IGFBP7: variants seen among roughly 807,000 people sequenced by gnomAD.
The protein encoded by IGFBP7 is insulin-like growth factor-binding protein 7.
In IGFBP7, 31 loss-of-function variants were observed where a neutral mutation model predicts 29.4. The ratio of observed to expected loss-of-function variants is 1.05; its 90% CI spans 0.79 to 1.42. IGFBP7 has a LOEUF of 1.42. IGFBP7 is among the 40% of genes most tolerant of loss of function. The pLI is 0.00. For synonymous variants in IGFBP7, 172 were observed against 174.9 expected (o/e 0.98, Z 0.13); for missense variants, 393 against 395.5 (o/e 0.99, Z 0.05).
At chr4:57,102,311 AT>A (rs1225827114) in intron 1 of IGFBP7, among the ~76,000 whole-genome samples, 1 of 152,206 alleles carries the variant, frequency 6.6e-6, no homozygotes, top group Non-Finnish European at 1.5e-5. Context: ...TGGAAATCGT[AT>A]TTCAGGATGT....
chr4:57,076,724 A>C (rs1725236925), intron 1 of IGFBP7, among the ~76,000 whole-genome samples: 1 of 152,206 alleles, frequency 6.6e-6, no homozygotes, highest in Non-Finnish European at 1.5e-5. Context: ...TATCCTCTAC[A>C]TTTGAAGGGA....
chr4:57,067,397 A>G (rs948080315), intron 1 of IGFBP7, among the ~76,000 whole-genome samples: 1 of 152,232 alleles, frequency 6.6e-6, no homozygotes, highest in Non-Finnish European at 1.5e-5. Context: ...CATATGCCAT[A>G]ACACAGATGT....
intron 1 of IGFBP7, among the ~76,000 whole-genome samples, chr4:57,081,253 T>C (rs1373628127): frequency 6.6e-6 from 1 of 152,186 alleles, no homozygotes; most frequent in Non-Finnish European, 1.5e-5. Flanking sequence ...CATTTTTTTT[T>C]CACAGAGCTT....
intron 1 of IGFBP7, chr4:57,109,648 A>G (rs1265271106): frequency 6.9e-6 from 4 of 578,132 alleles, no homozygotes; most frequent in Non-Finnish European, 1.2e-5. Context: ...TTCTGGACGC[A>G]CGCAGCAAAC....
At chr4:57,050,787 G>A (rs970649837) in intron 1 of IGFBP7, among the ~76,000 whole-genome samples, 29 of 151,564 alleles carry the variant, frequency 1.9e-4, no homozygotes, top group African/African-American at 6.8e-4. Flanking sequence ...CGAACCCTTG[G>A]CTTCAAGTGA....
At chr4:57,031,403 A>G in intron 4 of IGFBP7, 67 bp from the exon 5 acceptor site, 1 of 1,163,668 alleles carries the variant, frequency 8.6e-7, no homozygotes, top group Non-Finnish European at 1.3e-6. Flanking sequence ...TTGAATTGGC[A>G]GGTAGTTGAG....
chr4:57,034,458 A>C (rs1334094677), intron 2 of IGFBP7, among the ~76,000 whole-genome samples: 1 of 152,156 alleles, frequency 6.6e-6, no homozygotes, highest in South Asian at 2.1e-4. Flanking sequence ...GAAAGGATTT[A>C]CAACCTCAAA....
chr4:57,044,401 T>C (rs1247712357), intron 1 of IGFBP7, among the ~76,000 whole-genome samples: 1 of 152,202 alleles, frequency 6.6e-6, no homozygotes, highest in Non-Finnish European at 1.5e-5. Context: ...GGTTAGTGCT[T>C]TTCGTGTCCT....
At chr4:57,064,392 T>C (rs1245965408) in intron 1 of IGFBP7, among the ~76,000 whole-genome samples, 1 of 152,186 alleles carries the variant, frequency 6.6e-6, no homozygotes, top group African/African-American at 2.4e-5. Flanking sequence ...AAGTCTGTGT[T>C]GACAAGCAAT....
At position 57,031,164 on chromosome 4, in the gene IGFBP7, G is replaced by C; in HGVS notation, c.*153C>G. The C allele has an allele frequency of 1.3e-6, 1 of 760,020 alleles. No individual in the cohort carries two copies. The highest frequency in any genetic ancestry group is 2.2e-6 in the Non-Finnish European group (1 of 445,620). 47.1% of individuals were successfully genotyped at this position (760,020 alleles called of 1,614,324 possible). On this transcript the variant is annotated 3_prime_UTR_variant, in exon 5 of 5. Coordinates refer to ENST00000295666, the MANE Select transcript of IGFBP7 (RefSeq NM_001553.3). The stretch of plus-strand genomic sequence containing the variant: ...ATAAATTTTTGTAGATAGTCTTGAT[G>C]TGTGATCTTTATTTTGTATTTCTCT...
At chr4:57,035,651 G>T (rs1393026818) in intron 2 of IGFBP7, among the ~76,000 whole-genome samples, 1 of 152,086 alleles carries the variant, frequency 6.6e-6, no homozygotes, top group Non-Finnish European at 1.5e-5. Flanking sequence ...AGTAGAGACG[G>T]GGTTTTGCCA....
chr4:57,106,868 C>A (rs1726045674), intron 1 of IGFBP7, among the ~76,000 whole-genome samples: 1 of 152,150 alleles, frequency 6.6e-6, no homozygotes, highest in Non-Finnish European at 1.5e-5. Context: ...ATGGAATCTT[C>A]AAATTCCCCC....
intron 1 of IGFBP7, among the ~76,000 whole-genome samples, chr4:57,045,362 G>A (rs943033583): frequency 6.6e-6 from 1 of 152,168 alleles, no homozygotes; most frequent in Non-Finnish European, 1.5e-5. Context: ...AAATATCCTT[G>A]AACAAATGCT....
chr4:57,072,291 C>T (rs568591525), intron 1 of IGFBP7, among the ~76,000 whole-genome samples: 38 of 152,232 alleles, frequency 2.5e-4, no homozygotes, highest in Non-Finnish European at 4.6e-4. Flanking sequence ...GGATAATGGC[C>T]TCCAGCTCCA....
At position 57,030,996 on chromosome 4, in the gene IGFBP7, A is replaced by G; in HGVS notation, c.*321T>C. On this transcript the variant is annotated 3_prime_UTR_variant, in exon 5 of 5. Coordinates refer to ENST00000295666, the MANE Select transcript of IGFBP7 (RefSeq NM_001553.3). ...CGAATGATGAGTGTTTAGCTATTTT[A>G]CAGGAGTCAACAAGATAATTAAATA... 6.8e-7 allele frequency: 1 copy of G among 1,471,752 alleles called. No individual in the cohort carries two copies. Among genetic ancestry groups the G allele is most frequent in the Non-Finnish European group, 9.5e-7 (1 of 1,050,272 alleles). 91.2% of individuals were successfully genotyped at this position (1,471,752 alleles called of 1,614,324 possible).
intron 1 of IGFBP7, among the ~76,000 whole-genome samples, chr4:57,096,014 CAAAT>C (rs1441341993): frequency 6.6e-6 from 1 of 151,866 alleles, no homozygotes; most frequent in African/African-American, 2.4e-5. Context: ...CAGTAGTGAA[CAAAT>C]AGATAAAAAG....
intron 1 of IGFBP7, among the ~76,000 whole-genome samples, chr4:57,102,492 G>T (rs1725923279): frequency 6.6e-6 from 1 of 152,012 alleles, no homozygotes; most frequent in Non-Finnish European, 1.5e-5. Flanking sequence ...CTATTCAATA[G>T]TTTTTACTGG....
At chr4:57,072,853 G>T in intron 1 of IGFBP7, 1 of 623,048 alleles carries the variant, frequency 1.6e-6, no homozygotes. Flanking sequence ...AGCTCCCCAG[G>T]GGCTACCCTT....
chr4:57,100,709 G>C (rs568356203), intron 1 of IGFBP7, among the ~76,000 whole-genome samples: 1 of 152,204 alleles, frequency 6.6e-6, no homozygotes, highest in Non-Finnish European at 1.5e-5. Flanking sequence ...CCAAGGGTTT[G>C]ACTCTTCTGA....
Sources: gnomAD v4.1 joint callset for allele counts (sites outside exome capture counted in the v4.1 genomes callset) on GRCh38, gnomAD v4.1.1 for gene constraint, MANE v1.5 for transcripts, NCBI Gene and HGNC (gene_info 2026-07-23, HGNC 2026-07-21) for gene names.